The following ARID1B variants were observed in gnomAD, a reference collection of about 807,000 sequenced individuals.
ARID1B encodes the protein AT-rich interaction domain 1B.
Under a neutral mutation model 212.3 loss-of-function variants are expected in ARID1B, and 30 were observed. The observed-to-expected ratio is 0.14, with a 90% confidence interval of 0.11 to 0.19. ARID1B has a LOEUF of 0.19. Among genes scored for constraint, ARID1B ranks in the 10% least tolerant of loss-of-function variants. The probability of loss-of-function intolerance (pLI) is 1.00; values close to 1 mark genes in which losing one functional copy is unlikely to be tolerated. For synonymous variants in ARID1B, 1,402 were observed against 1,301.7 expected (o/e 1.08, Z -1.66); for missense variants, 2,891 against 3,204.0 (o/e 0.90, Z 2.36).
intron 8 of ARID1B, chr6:157,149,319 A>C: frequency 4.6e-6 from 1 of 218,828 alleles, no homozygotes. Context: ...GAACGATTTA[A>C]AATCTAAAAC....
At chr6:156,954,924 G>A (rs1793851284) in intron 4 of ARID1B, among the ~76,000 whole-genome samples, 1 of 152,208 alleles carries the variant, frequency 6.6e-6, no homozygotes, top group Non-Finnish European at 1.5e-5. Context: ...CAACCAAAGG[G>A]CAGGCTCCAA....
intron 7 of ARID1B, among the ~76,000 whole-genome samples, chr6:157,139,776 G>A (rs1354559709): frequency 2.0e-5 from 3 of 150,962 alleles, no homozygotes; most frequent in South Asian, 2.1e-4. Context: ...AGGCTGGGGT[G>A]CAGTGGTGCA....
intron 4 of ARID1B, among the ~76,000 whole-genome samples, chr6:157,003,469 T>C (rs372914567): frequency 3.9e-5 from 6 of 152,254 alleles, no homozygotes; most frequent in African/African-American, 1.4e-4. Flanking sequence ...GCAGTGACAG[T>C]AGAGGTGAAG....
At position 156,779,447 on chromosome 6, in the gene ARID1B, C is replaced by T. The variant is rs1477901704; in HGVS notation, c.1767C>T (p.Pro589=). The change falls in exon 1 of 20, where the codon CCC becomes CCT. Residue 589 remains proline, a synonymous_variant. Coordinates refer to ENST00000636930, the MANE Select transcript of ARID1B (RefSeq NM_001374828.1). The part of the protein sequence containing the change: ...RSHPAMSPGT[P]GPTMGRSQGS... ...ACCCGGCGATGAGCCCCGGCACCCCCGGACCGACCATGGGCAGATCCCAGG... is the reference window on the plus strand; with the variant it reads ...ACCCGGCGATGAGCCCCGGCACCCCTGGACCGACCATGGGCAGATCCCAGG... 1.4e-6 allele frequency: 2 copies of T among 1,456,130 alleles called. No individual in the cohort carries two copies. Among genetic ancestry groups the T allele is most frequent in the African/African-American group, 1.5e-5 (1 of 67,978 alleles). 90.2% of individuals were successfully genotyped at this position (1,456,130 alleles called of 1,614,324 possible). A position where few individuals can be genotyped will look rare whatever the true frequency, so the allele number is the denominator to read the frequency against.
intron 4 of ARID1B, among the ~76,000 whole-genome samples, chr6:157,021,650 C>T (rs1473937689): frequency 6.6e-6 from 1 of 152,140 alleles, no homozygotes; most frequent in East Asian, 1.9e-4. Flanking sequence ...TTTGTGGGAC[C>T]CCGCGGAAGG....
chr6:157,132,198 C>T (rs1788599844), intron 6 of ARID1B, among the ~76,000 whole-genome samples: 1 of 152,146 alleles, frequency 6.6e-6, no homozygotes, highest in Admixed American at 6.5e-5. Context: ...GAAGAAGTAC[C>T]ATGCACGATC....
intron 4 of ARID1B, among the ~76,000 whole-genome samples, chr6:156,944,411 T>C (rs1160655690): frequency 3.3e-5 from 5 of 152,196 alleles, no homozygotes; most frequent in Non-Finnish European, 7.3e-5. Flanking sequence ...TTCTTGTTCA[T>C]CCTAGAGATT....
intron 4 of ARID1B, among the ~76,000 whole-genome samples, chr6:157,064,043 C>A (rs1319400784): frequency 6.6e-6 from 1 of 152,216 alleles, no homozygotes; most frequent in Non-Finnish European, 1.5e-5. Flanking sequence ...AGGTTTGTGG[C>A]ATCCGACTAG....
chr6:156,850,164 A>G (rs1784488987), intron 2 of ARID1B, among the ~76,000 whole-genome samples: 1 of 151,790 alleles, frequency 6.6e-6, no homozygotes, highest in Non-Finnish European at 1.5e-5. Flanking sequence ...GTACACAATT[A>G]CTGTGTTTCC....
intron 4 of ARID1B, among the ~76,000 whole-genome samples, chr6:157,069,558 C>G (rs1433808929): frequency 1.3e-5 from 2 of 152,208 alleles, no homozygotes; most frequent in African/African-American, 4.8e-5. Context: ...AGGCCTCTCT[C>G]AGTTTTTTGC....
intron 5 of ARID1B, among the ~76,000 whole-genome samples, chr6:157,086,189 G>A (rs913106305): frequency 6.6e-6 from 1 of 152,222 alleles, no homozygotes; most frequent in African/African-American, 2.4e-5. Flanking sequence ...CACTTGTAGT[G>A]TAGGCTAAAA....
intron 1 of ARID1B, 105 bp downstream of exon 1, chr6:156,779,576 G>A (rs1229916887): frequency 8.1e-6 from 9 of 1,116,808 alleles, no homozygotes; most frequent in Non-Finnish European, 7.7e-6. Flanking sequence ...TCCCGCGGGG[G>A]CGGCGGGGGC....
In ARID1B at chr6:157,184,353, C is replaced by A. The variant is rs774661225; in HGVS notation, c.3837C>A (p.Ile1279=). 6.2e-7 allele frequency: 1 copy of A among 1,614,054 alleles called. No individual in the cohort carries two copies. The highest frequency in any genetic ancestry group is 1.3e-5 in the African/African-American group (1 of 74,906). Residue 1279 remains isoleucine (I), a synonymous_variant, in exon 13 of 20, where the codon ATC becomes ATA. Coordinates refer to ENST00000636930, the MANE Select transcript of ARID1B (RefSeq NM_001374828.1). ...ACCTGTTTGCCTTTGAGTGCAAGAT[C>A]GAACGTGGGGAGGAGCCCCCGCCGG... ...IQYLFAFECK[I]ERGEEPPPEV...
chr6:156,779,974 G>A (rs1053555269), intron 1 of ARID1B, among the ~76,000 whole-genome samples: 14 of 152,300 alleles, frequency 9.2e-5, no homozygotes, highest in Admixed American at 9.1e-4. Flanking sequence ...CTTGGCTTCC[G>A]AGGTCCAGGC....
At chr6:156,813,061 C>T (rs1250448501) in intron 1 of ARID1B, among the ~76,000 whole-genome samples, 14 of 138,354 alleles carry the variant, frequency 1.0e-4, no homozygotes, top group African/African-American at 3.8e-4. Context: ...TATGTATATA[C>T]ATATATATAT....
At chr6:156,783,207 C>T (rs1779400603) in intron 1 of ARID1B, among the ~76,000 whole-genome samples, 1 of 151,710 alleles carries the variant, frequency 6.6e-6, no homozygotes, top group Non-Finnish European at 1.5e-5. Flanking sequence ...CATAGTGTAT[C>T]AGAAGTGTGT....
At chr6:156,816,078 C>T (rs1562406922) in intron 1 of ARID1B, among the ~76,000 whole-genome samples, 1 of 152,246 alleles carries the variant, frequency 6.6e-6, no homozygotes, top group East Asian at 1.9e-4. Flanking sequence ...AACATCTATT[C>T]ATATACTTTG....
intron 4 of ARID1B, among the ~76,000 whole-genome samples, chr6:157,082,067 T>A (rs1416931222): frequency 6.6e-6 from 1 of 152,114 alleles, no homozygotes; most frequent in Non-Finnish European, 1.5e-5. Flanking sequence ...CATCCTGGGT[T>A]TTTATGATCC....
In ARID1B at chr6:156,778,733, C is replaced by A; in HGVS notation, c.1053C>A (p.Ser351=). ...QQSPGMGMMH[S]ASAAAAGAPG... ...GCCCCGGGATGGGGATGATGCACTC[C>A]GCCTCCGCCGCCGCCGCCGGGGCCC... The change falls in exon 1 of 20, where the codon TCC becomes TCA. Residue 351 remains serine, a synonymous_variant. Transcript: ENST00000636930. The A allele has an allele frequency of 6.6e-7, 1 of 1,524,894 alleles. No homozygotes were observed. Among genetic ancestry groups the A allele is most frequent in the South Asian group, 1.2e-5 (1 of 81,970 alleles). The allele number at this position is 1,524,894 out of a possible 1,614,324, so 94.5% of individuals were successfully genotyped here.
Sources: allele counts gnomAD v4.1 joint callset (sites outside exome capture counted in the v4.1 genomes callset), GRCh38; gene constraint gnomAD v4.1.1; transcripts MANE v1.5; gene names NCBI Gene and HGNC (gene_info 2026-07-23, HGNC 2026-07-21).